CHD1L: variants seen among roughly 807,000 people sequenced by gnomAD.
CHD1L encodes the protein ATP-dependent chromatin remodeler CHD1L.
CHD1L carries 118 observed loss-of-function variants against 115.9 expected under a neutral mutation model. That is an observed-to-expected ratio of 1.02 (90% CI 0.88 to 1.19). The LOEUF (loss-of-function observed/expected upper bound fraction) is 1.19. CHD1L is among the 50% of genes most tolerant of loss of function. CHD1L has a pLI of 0.00. For missense variants in CHD1L, 1,179 were observed against 1,065.3 expected, an observed-to-expected ratio of 1.11 and a Z score of -1.49; for synonymous variants, 411 against 387.1, an observed-to-expected ratio of 1.06 and a Z score of -0.72.
At chr1:147,187,048 C>A in the CHD1L span, 3 of 1,614,122 alleles carry the variant, frequency 1.9e-6, no homozygotes, top group South Asian at 3.3e-5. Context: ...GATAGCTTTT[C>A]GAGCCCCATC....
intron 3 of CHD1L, among the ~76,000 whole-genome samples, chr1:147,255,296 T>G (rs1669725548): frequency 6.6e-6 from 1 of 152,172 alleles, no homozygotes; most frequent in African/African-American, 2.4e-5. Context: ...GGCACGATCT[T>G]GGCTCACCAC....
Position 147,284,346 on chromosome 1 carries a change from G to T in CHD1L, c.1706-5G>T. The T allele has an allele frequency of 6.4e-7, 1 of 1,552,238 alleles. No homozygotes were observed. ...CATTTCTCTCTTTGTGTTTTATGTTGTTAGAAAATCATATGTACTTATTTG... is the reference window on the plus strand; with the variant it reads ...CATTTCTCTCTTTGTGTTTTATGTTTTTAGAAAATCATATGTACTTATTTG... On this transcript the variant is annotated splice_polypyrimidine_tract_variant and splice_region_variant and intron_variant, in intron 15 of 22. Transcript: ENST00000369258.
rs587677377 is a variant in CHD1L at position 147,275,937 on chromosome 1, C to T, written c.1386-167C>T. Among the ~76,000 whole-genome samples, 12 of 152,242 alleles carry T rather than the reference C, an allele frequency of 7.9e-5. No homozygotes were observed. The East Asian group carries it at 1.9e-3, about 25-fold the overall frequency. On this transcript the variant is annotated intron_variant, in intron 13 of 22. Coordinates refer to ENST00000369258, the MANE Select transcript of CHD1L (RefSeq NM_004284.6). ...GGAATGGTTCAGAGAGAATTTCAGG[C>T]GAGTTCTCTCTAACAAGTGCTCAGG...
chr1:147,262,752 T>C (rs1672412448), intron 6 of CHD1L, among the ~76,000 whole-genome samples: 1 of 151,440 alleles, frequency 6.6e-6, no homozygotes, highest in Non-Finnish European at 1.5e-5. Context: ...ATTGTTTACA[T>C]CTGTTTTCAT....
At chr1:147,185,706 C>T in the CHD1L span, among the ~76,000 whole-genome samples, 1 of 152,168 alleles carries the variant, frequency 6.6e-6, no homozygotes, top group Admixed American at 6.5e-5. Context: ...AATCCAAATA[C>T]AAACATATTG....
At chr1:147,213,299 G>C in the CHD1L span, 9 of 1,596,680 alleles carry the variant, frequency 5.6e-6, no homozygotes, top group Admixed American at 1.5e-4. Context: ...TTCCTGGTAA[G>C]CTGCTCACCA....
the CHD1L span, among the ~76,000 whole-genome samples, chr1:147,218,189 A>G: frequency 6.6e-6 from 1 of 152,190 alleles, no homozygotes; most frequent in Non-Finnish European, 1.5e-5. Context: ...ACAATGTTAA[A>G]TGTTCCCAAA....
intron 10 of CHD1L, 55 bp downstream of exon 10, chr1:147,268,933 T>G: frequency 1.4e-6 from 2 of 1,389,974 alleles, no homozygotes; most frequent in Non-Finnish European, 2.0e-6. Flanking sequence ...AAAACCTGAC[T>G]ATTGAGGAAC....
the CHD1L span, among the ~76,000 whole-genome samples, chr1:147,181,682 T>A: frequency 2.0e-5 from 3 of 152,264 alleles, no homozygotes. Flanking sequence ...AGTATTTTTC[T>A]CTTGTCATGT....
Position 147,280,196 on chromosome 1 carries a change from G to T in CHD1L, c.1705+5G>T. The T allele has an allele frequency of 6.3e-7, 1 of 1,583,502 alleles. No individual in the cohort carries two copies. The highest frequency in any genetic ancestry group is 2.2e-5 in the East Asian group (1 of 44,660). On this transcript the variant is annotated splice_donor_5th_base_variant and intron_variant, in intron 15 of 22. Coordinates refer to ENST00000369258, the MANE Select transcript of CHD1L (RefSeq NM_004284.6). ...GCAGAGATCAAGAGGAAGGAAGTAA[G>T]TTGGAGGTTAGAGCAGAGCAAATGG... is the stretch of plus-strand genomic sequence containing the variant.
chr1:147,261,349 G>T (rs1671849984), intron 6 of CHD1L, among the ~76,000 whole-genome samples: 1 of 151,898 alleles, frequency 6.6e-6, no homozygotes, highest in Admixed American at 6.6e-5. Flanking sequence ...ATGACAGAAG[G>T]TGGACGGGCA....
chr1:147,204,631 G>A, the CHD1L span: 154 of 1,589,220 alleles, frequency 9.7e-5, no homozygotes, highest in Non-Finnish European at 1.2e-4. Context: ...AACAATGTTT[G>A]TGCCATCTCC....
the CHD1L span, chr1:147,215,777 G>T: frequency 2.5e-6 from 4 of 1,607,572 alleles, no homozygotes; most frequent in African/African-American, 5.4e-5. Context: ...TACTTTAGAA[G>T]GTCAAATTCT....
chr1:147,209,413 G>A, the CHD1L span, among the ~76,000 whole-genome samples: 2 of 131,400 alleles, frequency 1.5e-5, no homozygotes, highest in Admixed American at 1.7e-4. Context: ...ACTCCAGCCT[G>A]GGCAACAGAG....
At chr1:147,186,780 C>T in the CHD1L span, 90 of 1,479,248 alleles carry the variant, frequency 6.1e-5, 2 homozygotes, top group South Asian at 9.5e-4. Flanking sequence ...TTAATGCTTT[C>T]GAAAGAGACA....
chr1:147,267,113 C>G (rs1275311994), intron 8 of CHD1L, among the ~76,000 whole-genome samples: 1 of 152,148 alleles, frequency 6.6e-6, no homozygotes, highest in Non-Finnish European at 1.5e-5. Flanking sequence ...GAAATAATTT[C>G]TCAAATTGCA....
rs782558143 is a variant in CHD1L at position 147,286,319 on chromosome 1, C to A, written c.2040C>A (p.Asn680Lys). ...HKKKMAWWES[N>K]NYQSFCLPSE... ...AAAGGATGGCCTGGTGGGAATCCAA[C>A]AATTACCAGTCCTTCTGCCTGCCCT... is the stretch of plus-strand genomic sequence containing the variant. Residue 680 changes from asparagine (N) to lysine (K), a missense_variant, in exon 18 of 23, where the codon AAC (asparagine) becomes AAA (lysine). Coordinates refer to ENST00000369258, the MANE Select transcript of CHD1L (RefSeq NM_004284.6). The A allele has an allele frequency of 1.4e-5, 22 of 1,613,916 alleles. No individual in the cohort carries two copies. Among genetic ancestry groups the A allele is most frequent in the African/African-American group, 2.7e-5 (2 of 74,918 alleles).
At chr1:147,182,430 A>T in the CHD1L span, among the ~76,000 whole-genome samples, 2 of 152,248 alleles carry the variant, frequency 1.3e-5, no homozygotes, top group Non-Finnish European at 2.9e-5. Context: ...AAGAACTGTT[A>T]TATCATCTCA....
chr1:147,255,776 A>G lies in CHD1L; in HGVS notation c.348-37A>G, dbSNP rs781948970. Reference sequence around the variant, plus strand: ...TATGCACATCCTGTCACATGGATCTAGTATTTATGTTTATCTACTTCTTTT... The same window carrying G: ...TATGCACATCCTGTCACATGGATCTGGTATTTATGTTTATCTACTTCTTTT... On this transcript the variant is annotated intron_variant, in intron 3 of 22. Transcript: ENST00000369258. 5.0e-6 allele frequency: 7 copies of G among 1,411,520 alleles called. No individual in the cohort carries two copies. In the East Asian group the frequency reaches 1.1e-4, roughly 23 times the overall value. 87.4% of individuals were successfully genotyped at this position (1,411,520 alleles called of 1,614,324 possible).
Sources: gnomAD v4.1 joint callset for allele counts (sites outside exome capture counted in the v4.1 genomes callset) on GRCh38, gnomAD v4.1.1 for gene constraint, MANE v1.5 for transcripts, NCBI Gene and HGNC (gene_info 2026-07-23, HGNC 2026-07-21) for gene names.